ZNF385D: variants seen among roughly 807,000 people sequenced by gnomAD.
ZNF385D encodes the protein zinc finger protein 659.
Under a neutral mutation model 35.8 loss-of-function variants are expected in ZNF385D, and 15 were observed. The ratio of observed to expected loss-of-function variants is 0.42; its 90% CI spans 0.28 to 0.64. ZNF385D has a LOEUF of 0.64. Ranked by LOEUF, ZNF385D falls within the 30% of genes least tolerant of loss-of-function variation. ZNF385D has a pLI of 0.23. For missense variants in ZNF385D, 474 were observed against 494.6 expected (o/e 0.96, Z 0.39); for synonymous variants, 212 against 186.8 (o/e 1.13, Z -1.10).
rs559095602 is a variant in ZNF385D, at chr3:22,050,936, A to C, written c.325+117881T>G. ...CTTCCAACTATGTGGTCAATTTTGG[A>C]ATAGGTGTGGTGTGGTGCTGAAAAA... On this transcript the variant is annotated intron_variant, in intron 3 of 5. Transcript: ENST00000494108. Among the ~76,000 whole-genome samples, 263 of 25,712 alleles carry C rather than the reference A, an allele frequency of 0.01. 79 individuals carry two copies. The Middle Eastern group carries it at 0.12, about 12-fold the overall frequency. The allele number at this position is 25,712 out of a possible 152,430, so 16.9% of individuals were successfully genotyped here.
At chr3:22,066,093 A>AG (rs1336898576) in intron 3 of ZNF385D, among the ~76,000 whole-genome samples, 2 of 152,212 alleles carry the variant, frequency 1.3e-5, no homozygotes, top group African/African-American at 2.4e-5. Context: ...GAGCAGGGAA[A>AG]GGGGAGCCAA....
chr3:21,442,771 C>T (rs1199316871), intron 4 of ZNF385D, among the ~76,000 whole-genome samples: 1 of 151,790 alleles, frequency 6.6e-6, no homozygotes, highest in Non-Finnish European at 1.5e-5. Flanking sequence ...AACTGGGTGC[C>T]CCAAAGGCCA....
At chr3:21,633,761 C>G (rs930916024) in intron 2 of ZNF385D, among the ~76,000 whole-genome samples, 1 of 152,092 alleles carries the variant, frequency 6.6e-6, no homozygotes, top group Non-Finnish European at 1.5e-5. Flanking sequence ...AAGAATAAAA[C>G]TGCCTATTTC....
chr3:22,148,686 C>T (rs138105767), intron 3 of ZNF385D, among the ~76,000 whole-genome samples: 140 of 152,220 alleles, frequency 9.2e-4, no homozygotes, highest in African/African-American at 1.3e-3. Context: ...TCTACATGGT[C>T]GTAATTAGTA....
intron 3 of ZNF385D, among the ~76,000 whole-genome samples, chr3:21,997,313 C>A (rs915945562): frequency 6.6e-6 from 1 of 151,992 alleles, no homozygotes; most frequent in South Asian, 2.1e-4. Context: ...ACACTTTGGA[C>A]ACAGGGTGGG....
rs559409789 is a variant in ZNF385D at position 21,535,260 on chromosome 3, T to C, written c.277-24237A>G. Among the ~76,000 whole-genome samples, 49 of 152,272 alleles carry C rather than the reference T, an allele frequency of 3.2e-4. 3 individuals carry two copies. In the South Asian group the frequency reaches 9.2e-3, roughly 29 times the overall value. ...GTTGATAAAGCCTTTTTCTTTTTCC[T>C]TTTTATTCATCTAACTGCCAGCTAA... On this transcript the variant is annotated intron_variant, in intron 3 of 7. Transcript: ENST00000281523.
chr3:22,165,560 A>C (rs1706258139), intron 3 of ZNF385D, among the ~76,000 whole-genome samples: 1 of 152,224 alleles, frequency 6.6e-6, no homozygotes, highest in Non-Finnish European at 1.5e-5. Flanking sequence ...AGTATTTAAG[A>C]AACTCTTTAT....
chr3:22,144,786 T>A (rs1704743482), intron 3 of ZNF385D, among the ~76,000 whole-genome samples: 1 of 152,070 alleles, frequency 6.6e-6, no homozygotes. Context: ...ATAAAATACA[T>A]TTATTCTCTT....
At chr3:22,085,320 G>C (rs1336325969) in intron 3 of ZNF385D, among the ~76,000 whole-genome samples, 1 of 152,014 alleles carries the variant, frequency 6.6e-6, no homozygotes, top group East Asian at 1.9e-4. Flanking sequence ...TAATGAAATA[G>C]ACCTCTAACA....
intron 4 of ZNF385D, among the ~76,000 whole-genome samples, chr3:21,460,223 T>G (rs1328549052): frequency 6.6e-6 from 1 of 152,196 alleles, no homozygotes; most frequent in Non-Finnish European, 1.5e-5. Flanking sequence ...TCAAGTATTG[T>G]TTAGTGTCAT....
At chr3:22,077,643 A>T (rs771067104) in intron 3 of ZNF385D, among the ~76,000 whole-genome samples, 1 of 151,968 alleles carries the variant, frequency 6.6e-6, no homozygotes, top group Non-Finnish European at 1.5e-5. Context: ...TTTTTGGCAC[A>T]TATTTGCTAT....
intron 1 of ZNF385D, among the ~76,000 whole-genome samples, chr3:21,679,039 A>G (rs938403322): frequency 1.9e-4 from 28 of 148,042 alleles, no homozygotes; most frequent in African/African-American, 7.0e-4. Flanking sequence ...CATGATAGTC[A>G]ATTTTCCCTT....
chr3:21,774,205 G>T (rs141701359), intron 3 of ZNF385D, among the ~76,000 whole-genome samples: 1 of 151,870 alleles, frequency 6.6e-6, no homozygotes, highest in Non-Finnish European at 1.5e-5. Context: ...ACTTATAAGT[G>T]GGAGCTGAAT....
intron 3 of ZNF385D, among the ~76,000 whole-genome samples, chr3:21,773,637 C>T (rs1300831063): frequency 6.6e-6 from 1 of 151,766 alleles, no homozygotes. Flanking sequence ...TCTCAAAAGA[C>T]TACATACATG....
At chr3:21,600,072 A>G (rs1316514854) in intron 2 of ZNF385D, among the ~76,000 whole-genome samples, 1 of 152,222 alleles carries the variant, frequency 6.6e-6, no homozygotes, top group African/African-American at 2.4e-5. Context: ...CACCAGTGCC[A>G]TAACGGTTTA....
chr3:22,190,471 T>A (rs537060014), intron 2 of ZNF385D, among the ~76,000 whole-genome samples: 14 of 152,314 alleles, frequency 9.2e-5, no homozygotes, highest in Non-Finnish European at 1.8e-4. Flanking sequence ...GAGGAAATTT[T>A]TCCAAATATA....
chr3:22,248,659 C>T (rs1254796208), intron 2 of ZNF385D, among the ~76,000 whole-genome samples: 3 of 152,096 alleles, frequency 2.0e-5, no homozygotes, highest in East Asian at 3.9e-4. Context: ...TCTCTTCTTC[C>T]ATAACTCTAC....
Position 21,555,073 on chromosome 3 carries a change from C to T in ZNF385D, c.276+9501G>A, listed in dbSNP as rs573930310. 1.7e-3 allele frequency among the ~76,000 whole-genome samples: 262 copies of T among 152,260 alleles called. 1 individual carries two copies. In the South Asian group the frequency reaches 0.019, roughly 11 times the overall value. ...ATTTTACAGTCACAACTTAGCTAAC[C>T]GCTTGGCACAAGAGGCCTAGCTTTC... On this transcript the variant is annotated intron_variant, in intron 3 of 7. Transcript: ENST00000281523.
chr3:22,322,613 T>C (rs1053203856), intron 2 of ZNF385D, among the ~76,000 whole-genome samples: 7 of 152,204 alleles, frequency 4.6e-5, no homozygotes, highest in African/African-American at 1.7e-4. Flanking sequence ...TCTTTTACTT[T>C]ATTATTTAAT....
Sources: gnomAD v4.1 joint callset for allele counts (sites outside exome capture counted in the v4.1 genomes callset) on GRCh38, gnomAD v4.1.1 for gene constraint, MANE v1.5 for transcripts, NCBI Gene and HGNC (gene_info 2026-07-23, HGNC 2026-07-21) for gene names.